MYLK: variants seen among roughly 807,000 people sequenced by gnomAD.
MYLK encodes myosin light chain kinase, smooth muscle.
MYLK carries 106 observed loss-of-function variants against 203.4 expected under a neutral mutation model. The ratio of observed to expected loss-of-function variants is 0.52; its 90% CI spans 0.45 to 0.61. The LOEUF (loss-of-function observed/expected upper bound fraction) is 0.61. MYLK is among the 20% of genes least tolerant of loss of function. The probability of loss-of-function intolerance (pLI) is 0.00; values close to 1 mark genes in which losing one functional copy is unlikely to be tolerated. For synonymous variants in MYLK, 867 were observed against 959.5 expected, an observed-to-expected ratio of 0.90 and a Z score of 1.78; for missense variants, 2,072 against 2,442.3, an observed-to-expected ratio of 0.85 and a Z score of 3.20.
In MYLK at chr3:123,739,056, T is replaced by C. The variant is rs149940930; in HGVS notation, c.429A>G (p.Arg143=). Residue 143 remains arginine (R), a synonymous_variant, in exon 7 of 34, where the codon AGA becomes AGG. Coordinates refer to ENST00000360304, the MANE Select transcript of MYLK (RefSeq NM_053025.4). The part of the protein sequence containing the change: ...QPVVSKTLGD[R]FSAPAVETRP... ...GGGTCTCCACTGCTGGAGCTGAAAA[T>C]CTATCCCTGTAAGGAAATTGGCAGA... The C allele has an allele frequency of 9.5e-5, 153 of 1,613,680 alleles. No individual in the cohort carries two copies. The highest frequency in any genetic ancestry group is 6.9e-4 in the African/African-American group (52 of 75,002).
rs1284669854 is a variant in MYLK, at chr3:123,611,428, T to C, written c.*2677A>G. The C allele has an allele frequency of 2.1e-5, 3 of 141,656 alleles. No individual in the cohort carries two copies. The highest frequency in any genetic ancestry group is 8.9e-5 in the African/African-American group (3 of 33,600). 8.8% of individuals were successfully genotyped at this position (141,656 alleles called of 1,614,324 possible). Reference sequence around the variant, plus strand: ...CCAATTCAAACCATGCCCTGGTAAATAGTATCATCAGTGATGATGATGATG... The same window carrying C: ...CCAATTCAAACCATGCCCTGGTAAACAGTATCATCAGTGATGATGATGATG... On this transcript the variant is annotated 3_prime_UTR_variant, in exon 34 of 34. Transcript: ENST00000360304.
chr3:123,744,185 G>A (rs2062946957), intron 5 of MYLK, among the ~76,000 whole-genome samples: 1 of 152,180 alleles, frequency 6.6e-6, no homozygotes, highest in East Asian at 1.9e-4. Flanking sequence ...CTTAACTAAA[G>A]CATTACGGTG....
At chr3:123,874,388 G>C (rs2033016275) in intron 2 of MYLK, among the ~76,000 whole-genome samples, 1 of 152,148 alleles carries the variant, frequency 6.6e-6, no homozygotes, top group Non-Finnish European at 1.5e-5. Context: ...AATTCAATAA[G>C]AGAAGGATAA....
intron 2 of MYLK, among the ~76,000 whole-genome samples, chr3:123,839,600 G>A (rs988058908): frequency 5.3e-5 from 8 of 152,224 alleles, no homozygotes; most frequent in Admixed American, 1.3e-4. Context: ...AGGAAAATCC[G>A]CAATTGTAGT....
At chr3:123,618,549 G>T in intron 33 of MYLK, 90 bp downstream of exon 33, 1 of 1,572,360 alleles carries the variant, frequency 6.4e-7, no homozygotes, top group South Asian at 1.1e-5. Context: ...CAGCTGCACA[G>T]AACTGACTTC....
At chr3:123,827,743 A>ATATATG (rs2066177423) in intron 3 of MYLK, among the ~76,000 whole-genome samples, 2 of 116,112 alleles carry the variant, frequency 1.7e-5, no homozygotes, top group African/African-American at 6.7e-5. Flanking sequence ...ATATATATAT[A>ATATATG]TATATAAAGA....
rs1350685913 is a variant in MYLK at position 123,629,481 on chromosome 3, C to A, written c.5107G>T (p.Asp1703Tyr). The change falls in exon 30 of 34, where the codon GAT (aspartate) becomes TAT (tyrosine). Residue 1703 changes from aspartate (D) to tyrosine (Y), a missense_variant. By Grantham distance (160) the Asp-to-Tyr change is radical. Around this residue, in one of 3 missense-constraint regions of MYLK, gnomAD observed 524 missense variants for 782.4 expected, o/e 0.67. Coordinates refer to ENST00000360304, the MANE Select transcript of MYLK (RefSeq NM_053025.4). This position sits in a 1 kb window ranked among gnomAD's most constrained non-coding sequence, Gnocchi z 4.4. Reference protein sequence around the residue: ...KDFISNLLKKDMKNRLDCTQC... With the variant: ...KDFISNLLKKYMKNRLDCTQC... ...GAAATCCCAACTCATTACTTCATAT[C>A]TTTCTTCAGCAGATTGCTGATGAAA... 1 of 1,614,198 alleles carries A rather than the reference C, an allele frequency of 6.2e-7. No homozygotes were observed.
intron 31 of MYLK, chr3:123,625,448 A>T (rs1190955788): frequency 6.6e-6 from 1 of 151,090 alleles, no homozygotes; most frequent in Non-Finnish European, 1.5e-5. Flanking sequence ...AGCCTGGGTA[A>T]TGGAGTGAGA....
At chr3:123,830,482 C>A (rs1037965613) in intron 3 of MYLK, among the ~76,000 whole-genome samples, 1 of 152,200 alleles carries the variant, frequency 6.6e-6, no homozygotes, top group Non-Finnish European at 1.5e-5. Flanking sequence ...ATCTAAGAAG[C>A]TATTCCCTCA....
chr3:123,734,923 T>C (rs954128075), intron 9 of MYLK: 4 of 245,892 alleles, frequency 1.6e-5, no homozygotes, highest in Non-Finnish European at 3.2e-5. Context: ...GCCTTCCTGT[T>C]GTCCTTCCTC....
intron 3 of MYLK, among the ~76,000 whole-genome samples, chr3:123,827,591 T>C (rs1057400495): frequency 1.3e-5 from 2 of 149,022 alleles, no homozygotes; most frequent in African/African-American, 4.9e-5. Context: ...AATAAAATAT[T>C]TCACAGACAA....
intron 5 of MYLK, among the ~76,000 whole-genome samples, chr3:123,750,043 T>A (rs1018482920): frequency 6.6e-6 from 1 of 152,220 alleles, no homozygotes; most frequent in African/African-American, 2.4e-5. Context: ...AACTCATCCA[T>A]GGCAGAAGGG....
intron 14 of MYLK, chr3:123,709,393 G>T: frequency 3.2e-6 from 1 of 309,776 alleles, no homozygotes; most frequent in Non-Finnish European, 6.3e-6. Flanking sequence ...TGCTGCCTCG[G>T]CCTCACAAAG....
intron 3 of MYLK, among the ~76,000 whole-genome samples, chr3:123,799,099 C>T (rs1167509068): frequency 6.6e-6 from 1 of 152,066 alleles, no homozygotes; most frequent in African/African-American, 2.4e-5. Flanking sequence ...AAAGGGGAAA[C>T]ACAGAGAAGT....
intron 23 of MYLK, among the ~76,000 whole-genome samples, chr3:123,663,462 G>C (rs908017411): frequency 6.6e-6 from 1 of 152,144 alleles, no homozygotes; most frequent in African/African-American, 2.4e-5. Flanking sequence ...AAGTGCAGTA[G>C]AGACTCACCC....
At chr3:123,843,206 C>T (rs903228329) in intron 2 of MYLK, among the ~76,000 whole-genome samples, 1 of 152,132 alleles carries the variant, frequency 6.6e-6, no homozygotes, top group Non-Finnish European at 1.5e-5. Context: ...AGCAAAGATG[C>T]CGAAGACCAG....
At chr3:123,682,154 G>T in intron 20 of MYLK, 70 bp downstream of exon 20, 1 of 1,239,820 alleles carries the variant, frequency 8.1e-7, no homozygotes. Context: ...GGGCTCTGAG[G>T]CTGCCCTCAG....
chr3:123,805,645 GA>G (rs1172343030), intron 3 of MYLK, among the ~76,000 whole-genome samples: 1 of 152,214 alleles, frequency 6.6e-6, no homozygotes, highest in Non-Finnish European at 1.5e-5. Context: ...TACAACCTAA[GA>G]GGAAGCACAG....
intron 24 of MYLK, among the ~76,000 whole-genome samples, chr3:123,653,808 CA>C (rs751299290): frequency 2.0e-5 from 3 of 152,222 alleles, no homozygotes; most frequent in Non-Finnish European, 4.4e-5. Flanking sequence ...TCCCTCTTTA[CA>C]CCATAGCACA....
Sources: allele counts gnomAD v4.1 joint callset (sites outside exome capture counted in the v4.1 genomes callset), GRCh38; gene constraint gnomAD v4.1.1; regional missense constraint gnomAD v4.1.1; non-coding constraint Gnocchi (gnomAD v3.1); transcripts MANE v1.5; gene names NCBI Gene and HGNC (gene_info 2026-07-23, HGNC 2026-07-21).